The following MRPL58 variants were observed in gnomAD, a reference collection of about 807,000 sequenced individuals.
MRPL58 encodes mitochondrial ribosomal protein L58.
Under a neutral mutation model 26.0 loss-of-function variants are expected in MRPL58, and 17 were observed. That is an observed-to-expected ratio of 0.65 (90% CI 0.45 to 0.98). The LOEUF (loss-of-function observed/expected upper bound fraction) is 0.98. Ranked by LOEUF, MRPL58 falls within the 50% of genes least tolerant of loss-of-function variation. The pLI, the probability that MRPL58 is intolerant of heterozygous loss-of-function variation, is 0.00. For synonymous variants in MRPL58, 100 were observed against 99.7 expected (o/e 1.00, Z -0.02); for missense variants, 250 against 269.0 (o/e 0.93, Z 0.49).
intron 3 of MRPL58, 34 bp downstream of exon 3, chr17:75,019,793 A>G (rs1319842831): frequency 6.4e-7 from 1 of 1,562,180 alleles, no homozygotes; most frequent in South Asian, 1.2e-5. Flanking sequence ...TTTTGCTTTA[A>G]AATGTAGCTG....
rs995751528 is a variant in MRPL58 at position 75,020,913 on chromosome 17, G to A, written c.537-8G>A. On this transcript the variant is annotated splice_polypyrimidine_tract_variant and splice_region_variant and intron_variant, in intron 5 of 5. Transcript: ENST00000301585. ...ATCTGGGGCTAATTGCAGTCTTTTT[G>A]TTTTCAGGATAGAAAACATGAATCG... The A allele has an allele frequency of 1.1e-5, 18 of 1,611,036 alleles. No homozygotes were observed. The highest frequency in any genetic ancestry group is 1.5e-5 in the Non-Finnish European group (18 of 1,177,402).
intron 1 of MRPL58, 43 bp from the exon 2 acceptor site, chr17:75,017,035 C>T (rs2039979094): frequency 6.6e-7 from 1 of 1,510,328 alleles, no homozygotes; most frequent in Non-Finnish European, 9.2e-7. Context: ...AGGAGTCACC[C>T]AGCAGGTAAT....
chr17:75,018,408 T>C (rs1474372522), intron 2 of MRPL58, among the ~76,000 whole-genome samples: 1 of 151,810 alleles, frequency 6.6e-6, no homozygotes, highest in Non-Finnish European at 1.5e-5. Context: ...ATTTTTTGTA[T>C]TTTTTAGTAG....
intron 1 of MRPL58, among the ~76,000 whole-genome samples, chr17:75,015,197 T>C (rs969801776): frequency 5.3e-5 from 8 of 152,166 alleles, no homozygotes; most frequent in Admixed American, 6.5e-5. Context: ...AAAAACAGGC[T>C]ATTTTCTGGC....
rs1490899327 is a variant in MRPL58, at chr17:75,020,978, G to A, written c.594G>A (p.Lys198=). Residue 198 remains lysine, a synonymous_variant, in exon 6 of 6, where the codon AAG becomes AAA. Coordinates refer to ENST00000301585, the MANE Select transcript of MRPL58 (RefSeq NM_001545.3). ...AAAAGAGAATTCATTCTGCTGTAAA[G>A]ACAAGCAGGAGGGTCGACATGGACT... ...LRQKRIHSAV[K]TSRRVDMD 1.2e-6 allele frequency: 2 copies of A among 1,613,962 alleles called. No homozygotes were observed. Among genetic ancestry groups the A allele is most frequent in the Non-Finnish European group, 1.7e-6 (2 of 1,179,832 alleles).
intron 4 of MRPL58, 43 bp from the exon 5 acceptor site, chr17:75,020,445 C>T: frequency 1.2e-6 from 2 of 1,613,912 alleles, no homozygotes; most frequent in Non-Finnish European, 1.7e-6. Context: ...GGCTTTTAAA[C>T]CTTTACTCTG....
rs576582374 is a variant in MRPL58, at chr17:75,017,768, A to T, written c.223+654A>T. On this transcript the variant is annotated intron_variant, in intron 2 of 5. Transcript: ENST00000301585. ...GTCTCAAAAATAAATAAATAAAAAT[A>T]CAAAAATTAGCCGGGTGTGGTGGTG... Among the ~76,000 whole-genome samples the T allele has an allele frequency of 2.0e-5, 3 of 151,472 alleles. No individual in the cohort carries two copies. The East Asian group carries it at 5.8e-4, about 29-fold the overall frequency.
intron 2 of MRPL58, 39 bp from the exon 3 acceptor site, chr17:75,019,661 G>C (rs1024190402): frequency 5.1e-6 from 8 of 1,575,458 alleles, no homozygotes; most frequent in Non-Finnish European, 7.0e-6. Context: ...ATGCCATGAG[G>C]TAATCAGTTT....
intron 2 of MRPL58, 67 bp from the exon 3 acceptor site, chr17:75,019,633 A>T: frequency 6.8e-7 from 1 of 1,467,334 alleles, no homozygotes; most frequent in Non-Finnish European, 9.5e-7. Flanking sequence ...TTCCTCAGAC[A>T]CAACAAGACT....
At chr17:75,018,317 C>T (rs1361818695) in intron 2 of MRPL58, among the ~76,000 whole-genome samples, 4 of 151,874 alleles carry the variant, frequency 2.6e-5, no homozygotes, top group Admixed American at 6.6e-5. Flanking sequence ...CTGCAAGTTC[C>T]GCCTCCCAGG....
chr17:75,021,101 T>A lies in MRPL58; in HGVS notation c.*96T>A, dbSNP rs2040014929. The A allele has an allele frequency of 1.3e-6, 1 of 784,746 alleles. No individual in the cohort carries two copies. Among genetic ancestry groups the A allele is most frequent in the African/African-American group, 1.7e-5 (1 of 57,776 alleles). 48.6% of individuals were successfully genotyped at this position (784,746 alleles called of 1,614,324 possible). ...ATAAGGAGATTTCTGTTTTTCTTTTTGGCTGTTAATGCTTGTCTATAACAT... is the reference window on the plus strand; with the variant it reads ...ATAAGGAGATTTCTGTTTTTCTTTTAGGCTGTTAATGCTTGTCTATAACAT... On this transcript the variant is annotated 3_prime_UTR_variant, in exon 6 of 6. Coordinates refer to ENST00000301585, the MANE Select transcript of MRPL58 (RefSeq NM_001545.3).
chr17:75,019,378 G>A (rs1197657469), intron 2 of MRPL58, among the ~76,000 whole-genome samples: 6 of 152,200 alleles, frequency 3.9e-5, no homozygotes, highest in Admixed American at 1.3e-4. Flanking sequence ...CTTTGGCCAT[G>A]TGCAAGGTTG....
At chr17:75,017,928 G>GAA (rs34525179) in intron 2 of MRPL58, among the ~76,000 whole-genome samples, 186 of 147,270 alleles carry the variant, frequency 1.3e-3, no homozygotes, top group African/African-American at 2.5e-3. Context: ...TGTCTCAGAC[G>GAA]AAAAAAAAAA....
intron 2 of MRPL58, among the ~76,000 whole-genome samples, chr17:75,017,516 A>G (rs375101048): frequency 2.6e-5 from 4 of 152,218 alleles, no homozygotes; most frequent in African/African-American, 9.6e-5. Context: ...TGGGAGGCCA[A>G]GGCAGCTGGA....
chr17:75,020,704 A>G (rs915834707), intron 5 of MRPL58, 47 bp downstream of exon 5: 2 of 1,574,808 alleles, frequency 1.3e-6, no homozygotes, highest in South Asian at 1.1e-5. Context: ...TGTGTGGACA[A>G]GAGTCTACAC....
In MRPL58 at chr17:75,012,849, T is replaced by C. The variant is rs1464376581; in HGVS notation, c.163T>C (p.Ser55Pro). The change falls in exon 1 of 6, where the codon TCG becomes CCG. Residue 55 changes from serine to proline, a missense_variant. Transcript: ENST00000301585. ...LDKLYPESQG[S>P]DTAWRVPNGA... Reference sequence around the variant, plus strand: ...CAAGCTCTACCCCGAATCTCAGGGCTCGGACACCGCCTGGAGGGTCCCGGT... The same window carrying C: ...CAAGCTCTACCCCGAATCTCAGGGCCCGGACACCGCCTGGAGGGTCCCGGT... 42 of 1,611,678 alleles carry C rather than the reference T, an allele frequency of 2.6e-5. No homozygotes were observed. Among genetic ancestry groups the C allele is most frequent in the Non-Finnish European group, 3.6e-5 (42 of 1,179,388 alleles).
chr17:75,020,111 C>G, intron 3 of MRPL58: 1 of 513,746 alleles, frequency 1.9e-6, no homozygotes, highest in Non-Finnish European at 3.4e-6. Flanking sequence ...GGACTGGGTG[C>G]TTAGTTACTG....
chr17:75,017,749 AAAAT>A (rs917826681), intron 2 of MRPL58, among the ~76,000 whole-genome samples: 5 of 149,642 alleles, frequency 3.3e-5, no homozygotes, highest in African/African-American at 5.0e-5. Flanking sequence ...CTCTGTCTCA[AAAAT>A]AAATAAATAA....
At chr17:75,020,218 C>A in intron 3 of MRPL58, 95 bp from the exon 4 acceptor site, 2 of 953,996 alleles carry the variant, frequency 2.1e-6, no homozygotes, top group Non-Finnish European at 3.4e-6. Flanking sequence ...AGGTGTCTGG[C>A]CTCCCTTTAT....
Sources: gnomAD v4.1 joint callset for allele counts (sites outside exome capture counted in the v4.1 genomes callset) on GRCh38, gnomAD v4.1.1 for gene constraint, MANE v1.5 for transcripts, NCBI Gene and HGNC (gene_info 2026-07-23, HGNC 2026-07-21) for gene names.